Variants in CDH5 observed in about 807,000 individuals in gnomAD.
The protein encoded by CDH5 is cadherin 5.
A neutral mutation model predicts 62.0 loss-of-function variants in CDH5; 28 were observed. The ratio of observed to expected loss-of-function variants is 0.45; its 90% CI spans 0.33 to 0.62. The LOEUF (loss-of-function observed/expected upper bound fraction) is 0.62, where lower values mean the gene tolerates loss of function less well. Ranked by LOEUF, CDH5 falls within the 20% of genes least tolerant of loss-of-function variation. The probability of loss-of-function intolerance (pLI) is 0.02; values close to 1 mark genes in which losing one functional copy is unlikely to be tolerated. For missense variants in CDH5, 940 were observed against 1,065.1 expected (o/e 0.88, Z 1.63); for synonymous variants, 464 against 445.8 (o/e 1.04, Z -0.52).
chr16:66,390,627 C>T (rs756352132), intron 6 of CDH5, 37 bp downstream of exon 6: 1 of 1,586,926 alleles, frequency 6.3e-7, no homozygotes, highest in South Asian at 1.1e-5. Context: ...AAACGTGAGG[C>T]TTGGGGCTCT....
At chr16:66,387,732 G>C (rs745999278) in intron 3 of CDH5, among the ~76,000 whole-genome samples, 1 of 152,200 alleles carries the variant, frequency 6.6e-6, no homozygotes, top group Non-Finnish European at 1.5e-5. Context: ...TGCCACTAAG[G>C]CAAAAGGATT....
chr16:66,390,445 C>T lies in CDH5; in HGVS notation c.824C>T (p.Thr275Ile). The T allele has an allele frequency of 6.2e-7, 1 of 1,614,132 alleles. No individual in the cohort carries two copies. The highest frequency in any genetic ancestry group is 2.2e-5 in the East Asian group (1 of 44,876). ...FVVPEDTRVG[T>I]SVGSLFVEDP... ...GTGCCTGAAGACACCCGTGTGGGCACCTCTGTGGGCTCTCTGTTTGTTGAG... is the reference window on the plus strand; with the variant it reads ...GTGCCTGAAGACACCCGTGTGGGCATCTCTGTGGGCTCTCTGTTTGTTGAG... The change falls in exon 6 of 12, where the codon ACC (threonine) becomes ATC (isoleucine). Residue 275 changes from threonine to isoleucine, a missense_variant. Transcript: ENST00000341529.
Position 66,397,994 on chromosome 16 carries a change from G to A in CDH5, c.1373G>A (p.Gly458Glu). 2 of 1,614,164 alleles carry A rather than the reference G, an allele frequency of 1.2e-6. No individual in the cohort carries two copies. The highest frequency in any genetic ancestry group is 1.3e-5 in the African/African-American group (1 of 75,032). ...KELDSTGTPT[G>E]KESIVQVHIE... ...TTCTCCCCTGCAGGAACCCCCACAG[G>A]AAAAGAATCCATTGTGCAAGTCCAC... The change falls in exon 9 of 12, where the codon GGA becomes GAA. Residue 458 changes from glycine (G) to glutamate (E), a missense_variant. By Grantham distance (98) the Gly-to-Glu change is moderately conservative (BLOSUM62 -2). Coordinates refer to ENST00000341529, the MANE Select transcript of CDH5 (RefSeq NM_001795.5).
At chr16:66,399,934 G>T (rs1450406184) in intron 10 of CDH5, among the ~76,000 whole-genome samples, 3 of 152,166 alleles carry the variant, frequency 2.0e-5, no homozygotes, top group Non-Finnish European at 4.4e-5. Context: ...TGGATTCCTG[G>T]GTTTTTCAAT....
chr16:66,379,554 C>CTCAA lies in CDH5; in HGVS notation c.210+8_210+11dup, dbSNP rs1236581170. ...TCCCCATCATGTAGGCAAGGTAAGG[C>CTCAA]TCAAGCCCCAGGACAGGAGAAGCCA... On this transcript the variant is annotated splice_region_variant and intron_variant, in intron 2 of 11. Transcript: ENST00000341529. 6.2e-7 allele frequency: 1 copy of CTCAA among 1,613,546 alleles called. No individual in the cohort carries two copies. Among genetic ancestry groups the CTCAA allele is most frequent in the South Asian group, 1.1e-5 (1 of 91,066 alleles).
At chr16:66,402,523 G>A in intron 11 of CDH5, 129 bp from the exon 12 acceptor site, 1 of 742,850 alleles carries the variant, frequency 1.3e-6, no homozygotes, top group East Asian at 2.9e-5. Context: ...GGGGAAGGGG[G>A]GGCCAAAGGG....
intron 2 of CDH5, among the ~76,000 whole-genome samples, chr16:66,379,973 T>G (rs12930078): frequency 0.52 from 11,234 of 21,410 alleles, 2,350 homozygotes; most frequent in Non-Finnish European, 0.55. Context: ...GGGGTAGGTG[T>G]TGGTGGTGAT....
In CDH5 at chr16:66,403,232, C is replaced by T. The variant is rs1179517417; in HGVS notation, c.*63C>T. ...CCTGCAGCCCAGGCCAGTCAGACGC[C>T]AGGCACCACAGCCTCCAAAAATGGC... On this transcript the variant is annotated 3_prime_UTR_variant, in exon 12 of 12. Coordinates refer to ENST00000341529, the MANE Select transcript of CDH5 (RefSeq NM_001795.5). This position sits in a 1 kb window ranked among gnomAD's most constrained non-coding sequence, Gnocchi z 4.3. The T allele has an allele frequency of 1.7e-5, 24 of 1,440,994 alleles. No homozygotes were observed. Among genetic ancestry groups the T allele is most frequent in the Non-Finnish European group, 2.1e-5 (23 of 1,071,542 alleles). The allele number at this position is 1,440,994 out of a possible 1,614,324, so 89.3% of individuals were successfully genotyped here. A position where few individuals can be genotyped will look rare whatever the true frequency, so the allele number is the denominator to read the frequency against.
chr16:66,379,708 C>T (rs1036883137), intron 2 of CDH5, 161 bp downstream of exon 2: 7 of 651,574 alleles, frequency 1.1e-5, no homozygotes, highest in South Asian at 5.6e-5. Flanking sequence ...TGGTAGAGGT[C>T]GTGGTGGTAG....
In CDH5 at chr16:66,399,021, C is replaced by G. The variant is rs57272010; in HGVS notation, c.1591+460C>G. Among the ~76,000 whole-genome samples the G allele has an allele frequency of 3.0e-3, 464 of 152,332 alleles. 3 individuals are homozygous for G. Among genetic ancestry groups the G allele is most frequent in the African/African-American group, 0.011 (451 of 41,580 alleles). ...GCAGGCAGTCAGCTCAGTTCAAGAA[C>G]TAGCCAAGGAGTCCCCTCCCATACT... On this transcript the variant is annotated intron_variant, in intron 10 of 11. Transcript: ENST00000341529.
chr16:66,402,749 C>T lies in CDH5; in HGVS notation c.1935C>T (p.Tyr645=), dbSNP rs746366084. 2.5e-6 allele frequency: 4 copies of T among 1,609,442 alleles called. No homozygotes were observed. The highest frequency in any genetic ancestry group is 2.5e-6 in the Non-Finnish European group (3 of 1,178,812). The change falls in exon 12 of 12, where the codon TAC becomes TAT. Residue 645 remains tyrosine (Y), a synonymous_variant. Transcript: ENST00000341529. ...AGATCCACGAGCAGCTGGTCACCTA[C>T]GACGAGGAGGGCGGCGGCGAGATGG... ...VPEIHEQLVT[Y]DEEGGGEMDT... is the part of the protein sequence containing the mutation.
rs148726486 is a variant in CDH5, at chr16:66,402,981, C to A, written c.2167C>A (p.Pro723Thr). Residue 723 changes from proline to threonine, a missense_variant, in exon 12 of 12, where the codon CCC (proline) becomes ACC (threonine). Transcript: ENST00000341529. ...CGAGGCGGACCACGACGGCGACGGC[C>A]CCCCCTACGACACGCTGCACATCTA... ...KDEADHDGDG[P>T]PYDTLHIYGY... 4 of 1,613,304 alleles carry A rather than the reference C, an allele frequency of 2.5e-6. No homozygotes were observed. The highest frequency in any genetic ancestry group is 2.2e-5 in the East Asian group (1 of 44,842).
intron 1 of CDH5, 175 bp from the exon 2 acceptor site, chr16:66,379,143 CA>C: frequency 1.8e-6 from 1 of 555,324 alleles, no homozygotes; most frequent in East Asian, 2.9e-5. Flanking sequence ...ACCGACCTTT[CA>C]TCCGAGTGCA....
intron 2 of CDH5, among the ~76,000 whole-genome samples, chr16:66,379,768 G>C (rs767225922): frequency 3.9e-5 from 6 of 152,302 alleles, no homozygotes; most frequent in African/African-American, 1.2e-4. Flanking sequence ...TAGTGATGGT[G>C]GTGAGGATGG....
chr16:66,371,326 G>A (rs1179180105), intron 1 of CDH5, among the ~76,000 whole-genome samples: 7 of 152,128 alleles, frequency 4.6e-5, no homozygotes, highest in South Asian at 2.1e-4. Flanking sequence ...TGGGTCTTCA[G>A]TGCCCCCACT....
At chr16:66,395,488 G>A (rs564916789) in intron 7 of CDH5, 1 of 133,002 alleles carries the variant, frequency 7.5e-6, no homozygotes, top group East Asian at 2.3e-4. Context: ...CTTCAGATCA[G>A]GAAACTTTTC....
chr16:66,392,163 T>C lies in CDH5; in HGVS notation c.997T>C (p.Tyr333His), dbSNP rs1961095988. The C allele has an allele frequency of 1.2e-6, 2 of 1,613,998 alleles. No individual in the cohort carries two copies. The highest frequency in any genetic ancestry group is 1.7e-6 in the Non-Finnish European group (2 of 1,180,026). Residue 333 changes from tyrosine to histidine, a missense_variant, in exon 7 of 12, where the codon TAC becomes CAC. Transcript: ENST00000341529. ...KPLDYEYIQQ[Y>H]SFIVEATDPT... is the part of the protein sequence containing the mutation. ...TCTGGATTATGAATACATCCAGCAA[T>C]ACAGCTTCATCGTCGAGGCCACAGA...
At chr16:66,401,486 C>T (rs899995666) in intron 11 of CDH5, among the ~76,000 whole-genome samples, 1 of 152,182 alleles carries the variant, frequency 6.6e-6, no homozygotes, top group Non-Finnish European at 1.5e-5. Context: ...AGAATTCCTC[C>T]GGCCTTGATA....
At chr16:66,391,960 A>G (rs1430182718) in intron 6 of CDH5, among the ~76,000 whole-genome samples, 176 bp from the exon 7 acceptor site, 1 of 152,182 alleles carries the variant, frequency 6.6e-6, no homozygotes, top group Admixed American at 6.5e-5. Context: ...GAAGACAGAC[A>G]CCAGGCCCAG....
Sources: allele counts gnomAD v4.1 joint callset (sites outside exome capture counted in the v4.1 genomes callset), GRCh38; gene constraint gnomAD v4.1.1; non-coding constraint Gnocchi (gnomAD v3.1); transcripts MANE v1.5; gene names NCBI Gene and HGNC (gene_info 2026-07-23, HGNC 2026-07-21).